The following NRXN1 variants were observed in gnomAD, a reference collection of about 807,000 sequenced individuals.
The protein encoded by NRXN1 is neurexin-1.
A neutral mutation model predicts 150.9 loss-of-function variants in NRXN1; 39 were observed. The observed-to-expected ratio is 0.26, with a 90% CI of 0.20 to 0.34. The LOEUF is 0.34. Among genes scored for constraint, NRXN1 ranks in the 10% least tolerant of loss-of-function variants. The pLI is 1.00. For synonymous variants in NRXN1, 924 were observed against 757.0 expected, an observed-to-expected ratio of 1.22 and a Z score of -3.62; for missense variants, 1,815 against 1,949.9, an observed-to-expected ratio of 0.93 and a Z score of 1.30.
intron 17 of NRXN1, among the ~76,000 whole-genome samples, chr2:50,380,412 T>C (rs909658411): frequency 6.6e-6 from 1 of 152,114 alleles, no homozygotes; most frequent in African/African-American, 2.4e-5. Flanking sequence ...TTGACGCAAC[T>C]GTTTCAAATA....
chr2:50,959,536 C>T (rs1263691091), intron 2 of NRXN1, among the ~76,000 whole-genome samples: 4 of 151,922 alleles, frequency 2.6e-5, no homozygotes, highest in Admixed American at 2.6e-4. Context: ...ATGAAATGTC[C>T]TGAACAGGTA....
At chr2:50,454,843 G>A (rs1362397858) in intron 17 of NRXN1, among the ~76,000 whole-genome samples, 1 of 152,100 alleles carries the variant, frequency 6.6e-6, no homozygotes, top group Admixed American at 6.6e-5. Context: ...CACATAAAAA[G>A]ACAACTCTAG....
At chr2:50,439,554 C>A (rs943417260) in intron 17 of NRXN1, among the ~76,000 whole-genome samples, 5 of 152,110 alleles carry the variant, frequency 3.3e-5, no homozygotes, top group Non-Finnish European at 5.9e-5. Flanking sequence ...CGCCTGTAAT[C>A]CCAGCACCCT....
intron 22 of NRXN1, among the ~76,000 whole-genome samples, chr2:49,938,008 C>T (rs1671345547): frequency 1.3e-5 from 2 of 152,070 alleles, no homozygotes. Flanking sequence ...CTCAAAATAG[C>T]ACACTGAAAA....
At chr2:50,017,045 G>C (rs549482551) in intron 21 of NRXN1, among the ~76,000 whole-genome samples, 3 of 152,240 alleles carry the variant, frequency 2.0e-5, no homozygotes, top group Admixed American at 6.5e-5. Flanking sequence ...GGAGACAGAG[G>C]ATGTGTTCCA....
At chr2:50,822,246 C>T (rs1431097993) in intron 5 of NRXN1, among the ~76,000 whole-genome samples, 3 of 152,002 alleles carry the variant, frequency 2.0e-5, no homozygotes, top group Admixed American at 6.6e-5. Context: ...TATAGCTTTC[C>T]GTTTAAACTG....
At chr2:50,050,484 A>G (rs1692544098) in intron 21 of NRXN1, among the ~76,000 whole-genome samples, 1 of 152,056 alleles carries the variant, frequency 6.6e-6, no homozygotes, top group East Asian at 1.9e-4. Context: ...AAAACAGTCC[A>G]GTGTGGCTTT....
At chr2:50,313,293 G>T (rs1481406077) in intron 17 of NRXN1, among the ~76,000 whole-genome samples, 1 of 151,982 alleles carries the variant, frequency 6.6e-6, no homozygotes. Flanking sequence ...AAGCTCTCAC[G>T]ATTATACTAT....
intron 5 of NRXN1, among the ~76,000 whole-genome samples, chr2:50,648,024 C>G (rs1002154768): frequency 1.3e-5 from 2 of 151,734 alleles, no homozygotes; most frequent in African/African-American, 4.8e-5. Context: ...TTTCCCAATT[C>G]TCTACAATGA....
Position 50,813,578 on chromosome 2 carries a change from T to C in NRXN1, c.832+108291A>G, listed in dbSNP as rs920640384. On this transcript the variant is annotated intron_variant, in intron 5 of 22. Transcript: ENST00000401669. ...TTTTATGAATTCCCTCATTTGATCA[T>C]CAACCTTGTTATAAGATTAATACTC... Among the ~76,000 whole-genome samples the C allele has an allele frequency of 5.9e-5, 9 of 152,194 alleles. No individual in the cohort carries two copies. The East Asian group carries it at 1.7e-3, about 29-fold the overall frequency.
chr2:50,064,031 A>G (rs1035323025), intron 19 of NRXN1, among the ~76,000 whole-genome samples: 4 of 152,154 alleles, frequency 2.6e-5, no homozygotes, highest in African/African-American at 9.6e-5. Flanking sequence ...AGTCACAAAC[A>G]CCATTGGATT....
chr2:50,740,464 G>C (rs1403010410), intron 5 of NRXN1, among the ~76,000 whole-genome samples: 1 of 152,188 alleles, frequency 6.6e-6, no homozygotes, highest in Non-Finnish European at 1.5e-5. Flanking sequence ...AGATGGCAGA[G>C]TGAAGATGTC....
chr2:50,768,572 G>T (rs537459232), intron 5 of NRXN1, among the ~76,000 whole-genome samples: 1 of 151,698 alleles, frequency 6.6e-6, no homozygotes, highest in Non-Finnish European at 1.5e-5. Flanking sequence ...CTCCCAAAGC[G>T]CTGGGATTAT....
chr2:50,697,073 T>C lies in NRXN1; in HGVS notation c.833-73458A>G, dbSNP rs567774019. ...TCCTACTGTACCAGCAATAAGACAA[T>C]ATGAATACCCTGCAACCTCTCAACA... On this transcript the variant is annotated intron_variant, in intron 5 of 22. Coordinates refer to ENST00000401669, the MANE Select transcript of NRXN1 (RefSeq NM_001330078.2). Among the ~76,000 whole-genome samples, 9 of 152,124 alleles carry C rather than the reference T, an allele frequency of 5.9e-5. No homozygotes were observed. The South Asian group carries it at 1.9e-3, about 31-fold the overall frequency.
At chr2:50,892,051 T>C (rs185991359) in intron 5 of NRXN1, among the ~76,000 whole-genome samples, 78 of 152,180 alleles carry the variant, frequency 5.1e-4, no homozygotes, top group African/African-American at 1.7e-3. Context: ...TATGAACAAC[T>C]ATTATTTTAG....
chr2:50,779,023 T>C (rs1035553522), intron 5 of NRXN1, among the ~76,000 whole-genome samples: 3 of 152,170 alleles, frequency 2.0e-5, no homozygotes, highest in Non-Finnish European at 2.9e-5. Context: ...CTACATTTTT[T>C]TTCTTCTTCT....
Position 49,944,206 on chromosome 2 carries a change from C to A in NRXN1, c.4129-415G>T, listed in dbSNP as rs1160730378. On this transcript the variant is annotated intron_variant, in intron 21 of 22. Transcript: ENST00000401669. ...CTTCCTAAAAGCAGAAAAGCCATAA[C>A]CTTTTACACTCACGACTATGTAGAG... Among the ~76,000 whole-genome samples the A allele has an allele frequency of 4.6e-5, 7 of 152,232 alleles. No individual in the cohort carries two copies. The East Asian group carries it at 1.4e-3, about 29-fold the overall frequency.
chr2:50,704,240 G>GT (rs1284780054), intron 5 of NRXN1, among the ~76,000 whole-genome samples: 4 of 151,946 alleles, frequency 2.6e-5, no homozygotes, highest in South Asian at 2.1e-4. Flanking sequence ...TCCAAATATA[G>GT]TTTTTTTAAA....
intron 5 of NRXN1, among the ~76,000 whole-genome samples, chr2:50,697,884 G>A (rs907555752): frequency 2.6e-5 from 4 of 152,148 alleles, no homozygotes; most frequent in African/African-American, 9.6e-5. Flanking sequence ...TTCCCCCAAA[G>A]TAGACAGCTC....
Sources: gnomAD v4.1 joint callset for allele counts (sites outside exome capture counted in the v4.1 genomes callset) on GRCh38, gnomAD v4.1.1 for gene constraint, MANE v1.5 for transcripts, NCBI Gene and HGNC (gene_info 2026-07-23, HGNC 2026-07-21) for gene names.